The following MAP3K1 variants were observed in gnomAD, a reference collection of about 807,000 sequenced individuals.
MAP3K1 encodes the protein mitogen-activated protein kinase kinase kinase 1.
In MAP3K1, 36 loss-of-function variants were observed where a neutral mutation model predicts 144.2. The observed-to-expected ratio is 0.25, with a 90% CI of 0.19 to 0.33. The LOEUF is 0.33. Among genes scored for constraint, MAP3K1 ranks in the 10% least tolerant of loss-of-function variants. The pLI, the probability that MAP3K1 is intolerant of heterozygous loss-of-function variation, is 1.00. For synonymous variants in MAP3K1, 718 were observed against 688.7 expected (o/e 1.04, Z -0.67); for missense variants, 1,650 against 1,881.9 (o/e 0.88, Z 2.28).
chr5:56,819,735 A>G (rs1260994607), intron 1 of MAP3K1, among the ~76,000 whole-genome samples: 1 of 152,210 alleles, frequency 6.6e-6, no homozygotes, highest in East Asian at 1.9e-4. Flanking sequence ...CTGCGTGTAT[A>G]TTACACCTCT....
At chr5:56,888,117 G>C (rs763604271) in intron 18 of MAP3K1, 109 bp from the exon 19 acceptor site, 1 of 986,644 alleles carries the variant, frequency 1.0e-6, no homozygotes, top group African/African-American at 1.6e-5. Context: ...CAGAATTCCT[G>C]TTTGTACCAG....
chr5:56,859,972 A>C, intron 3 of MAP3K1, 57 bp downstream of exon 3: 2 of 1,411,720 alleles, frequency 1.4e-6, no homozygotes, highest in Non-Finnish European at 2.0e-6. Flanking sequence ...TTCATTTATA[A>C]CAAAGAAAAG....
Position 56,875,309 on chromosome 5 carries a change from T to C in MAP3K1, c.1964T>C (p.Leu655Ser). ...DPVYKVYVAALKTLRAMLVYT... is the reference protein window; with the variant it reads ...DPVYKVYVAASKTLRAMLVYT... ...GTCTACAAAGTGTACGTTGCTGCTT[T>C]AGTAAGTAGCTTTATTCCATAATCA... The change falls in exon 10 of 20, where the codon TTA becomes TCA. Residue 655 changes from leucine (L) to serine (S), a missense_variant and splice_region_variant. Physicochemically the swap from Leu to Ser is moderately radical, Grantham distance 145. Transcript: ENST00000399503. 2 of 1,613,836 alleles carry C rather than the reference T, an allele frequency of 1.2e-6. No homozygotes were observed. Among genetic ancestry groups the C allele is most frequent in the Non-Finnish European group, 1.7e-6 (2 of 1,179,908 alleles).
chr5:56,876,776 A>T (rs1201877024), intron 10 of MAP3K1, among the ~76,000 whole-genome samples: 1 of 152,224 alleles, frequency 6.6e-6, no homozygotes, highest in African/African-American at 2.4e-5. Flanking sequence ...GAAACTTTCA[A>T]CCATATGCCT....
chr5:56,855,093 C>T (rs530083818), intron 1 of MAP3K1, among the ~76,000 whole-genome samples: 163 of 152,198 alleles, frequency 1.1e-3, no homozygotes, highest in Non-Finnish European at 2.0e-3. Flanking sequence ...ACCCCTACCT[C>T]TCTTTCTCTG....
rs832549 is a variant in MAP3K1 at position 56,887,715 on chromosome 5, C to A, written c.4257+195C>A. The A allele has an allele frequency of 6.5e-6, 4 of 615,144 alleles. No individual in the cohort carries two copies. In the Admixed American group the frequency reaches 1.1e-4, roughly 17 times the overall value. The allele number at this position is 615,144 out of a possible 1,614,324, so 38.1% of individuals were successfully genotyped here. A position where few individuals can be genotyped will look rare whatever the true frequency, so the allele number is the denominator to read the frequency against. ...CTTTGCCTTGGCAATATTCAAAAAA[C>A]AGGTTTTAATAGATTTACTTAACGG... On this transcript the variant is annotated intron_variant, in intron 18 of 19. Transcript: ENST00000399503.
At position 56,882,095 on chromosome 5, in the gene MAP3K1, G is replaced by C. The variant is rs1748232253; in HGVS notation, c.2895G>C (p.Gln965His). ...MVQTKGRPHS[Q>H]CLNSSPLSHH... The stretch of plus-strand genomic sequence containing the variant: ...AAACAAAAGGCAGACCCCACAGTCA[G>C]TGTTTGAACTCCTCTCCTTTATCTC... Residue 965 changes from glutamine to histidine, a missense_variant, in exon 14 of 20, where the codon CAG (glutamine) becomes CAC (histidine). This residue lies in a region of MAP3K1 where 841 missense variants were observed against 886.5 expected (regional missense o/e 0.95). Transcript: ENST00000399503. 1.2e-6 allele frequency: 2 copies of C among 1,614,150 alleles called. No individual in the cohort carries two copies.
At chr5:56,868,812 C>G (rs1747761940) in intron 6 of MAP3K1, among the ~76,000 whole-genome samples, 1 of 151,978 alleles carries the variant, frequency 6.6e-6, no homozygotes, top group Admixed American at 6.6e-5. Flanking sequence ...GTGGAAGCAA[C>G]CCAGGTGTCC....
At chr5:56,849,480 C>T (rs1014878015) in intron 1 of MAP3K1, among the ~76,000 whole-genome samples, 1 of 152,016 alleles carries the variant, frequency 6.6e-6, no homozygotes, top group African/African-American at 2.4e-5. Flanking sequence ...GTCTTTAGTC[C>T]TCAGGGTCAA....
At chr5:56,836,325 C>T (rs1746655017) in intron 1 of MAP3K1, among the ~76,000 whole-genome samples, 1 of 43,472 alleles carries the variant, frequency 2.3e-5, no homozygotes, top group South Asian at 1.6e-3. Context: ...GTGTACCTGA[C>T]TACAGCCAGT....
intron 7 of MAP3K1, 22 bp from the exon 8 acceptor site, chr5:56,872,619 T>G: frequency 2.9e-6 from 4 of 1,372,194 alleles, no homozygotes; most frequent in Non-Finnish European, 4.2e-6. Context: ...TTTTGTAAGA[T>G]TTTGTTTCTG....
At chr5:56,824,952 T>A (rs1424525113) in intron 1 of MAP3K1, among the ~76,000 whole-genome samples, 1 of 152,112 alleles carries the variant, frequency 6.6e-6, no homozygotes, top group South Asian at 2.1e-4. Flanking sequence ...TTTTTATTTT[T>A]TTTTTTGAGA....
chr5:56,827,171 G>C (rs1746342027), intron 1 of MAP3K1, among the ~76,000 whole-genome samples: 1 of 151,884 alleles, frequency 6.6e-6, no homozygotes, highest in Non-Finnish European at 1.5e-5. Context: ...CCAGAGTGGA[G>C]GCAGGGTCCA....
At position 56,872,841 on chromosome 5, in the gene MAP3K1, C is replaced by A; in HGVS notation, c.1522C>A (p.Pro508Thr). Residue 508 changes from proline (P) to threonine (T), a missense_variant, in exon 9 of 20, where the codon CCT becomes ACT. Pro to Thr is a conservative substitution (Grantham distance 38). Transcript: ENST00000399503. ...HDFYSHELSS[P>T]VDSPSSLRAA... ...TCATTTTAGCCACGAGTTGTCAAGT[C>A]CTGTGGATTCCCCTTCTTCCCTCAG... is the stretch of plus-strand genomic sequence containing the variant. The A allele has an allele frequency of 1.2e-6, 2 of 1,614,118 alleles. No individual in the cohort carries two copies. The highest frequency in any genetic ancestry group is 1.7e-6 in the Non-Finnish European group (2 of 1,180,018).
intron 18 of MAP3K1, 112 bp downstream of exon 18, chr5:56,887,632 C>T (rs149081212): frequency 1.6e-3 from 1,844 of 1,135,828 alleles, no homozygotes; most frequent in Non-Finnish European, 2.1e-3. Context: ...AACTAGAAGT[C>T]CGTGGCCCTT....
At position 56,888,319 on chromosome 5, in the gene MAP3K1, G is replaced by T; in HGVS notation, c.4351G>T (p.Ala1451Ser). 1 of 1,614,022 alleles carries T rather than the reference G, an allele frequency of 6.2e-7. No individual in the cohort carries two copies. Among genetic ancestry groups the T allele is most frequent in the Non-Finnish European group, 8.5e-7 (1 of 1,179,960 alleles). ...EMACAKPPWN[A>S]EKHSNHLALI... ...GGCTTGTGCAAAACCACCATGGAAT[G>T]CAGAAAAACACTCCAATCATCTTGC... The change falls in exon 19 of 20, where the codon GCA becomes TCA. Residue 1451 changes from alanine (A) to serine (S), a missense_variant. Physicochemically the swap from Ala to Ser is moderately conservative, Grantham distance 99. Coordinates refer to ENST00000399503, the MANE Select transcript of MAP3K1 (RefSeq NM_005921.2).
At chr5:56,838,730 T>C (rs1399862845) in intron 1 of MAP3K1, among the ~76,000 whole-genome samples, 1 of 152,238 alleles carries the variant, frequency 6.6e-6, no homozygotes. Context: ...TGCTGGGCAG[T>C]GATCCCGTCT....
At chr5:56,823,246 C>A (rs1055870442) in intron 1 of MAP3K1, among the ~76,000 whole-genome samples, 1 of 152,210 alleles carries the variant, frequency 6.6e-6, no homozygotes, top group African/African-American at 2.4e-5. Flanking sequence ...CACACTTGCC[C>A]TTGTTCCGTG....
intron 7 of MAP3K1, 68 bp from the exon 8 acceptor site, chr5:56,872,572 AC>A: frequency 1.1e-6 from 1 of 888,142 alleles, no homozygotes; most frequent in South Asian, 1.5e-5. Flanking sequence ...ATAATTATAA[AC>A]AGTTATGAAA....
Sources: gnomAD v4.1 joint callset for allele counts (sites outside exome capture counted in the v4.1 genomes callset) on GRCh38, gnomAD v4.1.1 for gene constraint, gnomAD v4.1.1 regional missense constraint, MANE v1.5 for transcripts, NCBI Gene and HGNC (gene_info 2026-07-23, HGNC 2026-07-21) for gene names.